Variants in CADPS2 observed in about 807,000 individuals in gnomAD.
CADPS2 encodes calcium-dependent secretion activator 2.
CADPS2 carries 93 observed loss-of-function variants against 172.5 expected under a neutral mutation model. The observed-to-expected ratio is 0.54, with a 90% CI of 0.46 to 0.64. The LOEUF (loss-of-function observed/expected upper bound fraction) is 0.64, where lower values mean the gene tolerates loss of function less well. CADPS2 is among the 30% of genes least tolerant of loss of function. The probability of loss-of-function intolerance (pLI) is 0.00; values close to 1 mark genes in which losing one functional copy is unlikely to be tolerated. For missense variants in CADPS2, 1,420 were observed against 1,565.9 expected (o/e 0.91, Z 1.57); for synonymous variants, 546 against 555.2 (o/e 0.98, Z 0.23).
Position 122,704,719 on chromosome 7 carries a change from G to A in CADPS2, c.453+32236C>T, listed in dbSNP as rs1043199090. Reference sequence around the variant, plus strand: ...TAGAACTGCCCTCTCTTCTGCCCTCGTCTTACAACAAAATAGACCTATAAG... The same window carrying A: ...TAGAACTGCCCTCTCTTCTGCCCTCATCTTACAACAAAATAGACCTATAAG... On this transcript the variant is annotated intron_variant, in intron 2 of 29. Coordinates refer to ENST00000449022, the MANE Select transcript of CADPS2 (RefSeq NM_017954.11). 3.3e-5 allele frequency among the ~76,000 whole-genome samples: 5 copies of A among 151,810 alleles called. No individual in the cohort carries two copies. In the South Asian group the frequency reaches 8.3e-4, roughly 25 times the overall value.
At chr7:122,734,466 CTA>C (rs1035453665) in intron 2 of CADPS2, among the ~76,000 whole-genome samples, 3 of 143,972 alleles carry the variant, frequency 2.1e-5, no homozygotes, top group East Asian at 4.4e-4. Context: ...CATTTAACCT[CTA>C]TGAGCTTCAA....
In CADPS2 at chr7:122,812,110, G is replaced by A. The variant is rs545071479; in HGVS notation, c.339+73889C>T. ...GACTAAAGATTCTACTTGTCCTAAT[G>A]TCTTCCCCAGGGATTCCTGAAGCAA... On this transcript the variant is annotated intron_variant, in intron 1 of 29. Coordinates refer to ENST00000449022, the MANE Select transcript of CADPS2 (RefSeq NM_017954.11). Among the ~76,000 whole-genome samples the A allele has an allele frequency of 4.0e-5, 6 of 151,306 alleles. No individual in the cohort carries two copies. In the South Asian group the frequency reaches 1.3e-3, roughly 32 times the overall value.
At chr7:122,580,599 C>T (rs921509988) in intron 7 of CADPS2, among the ~76,000 whole-genome samples, 2 of 152,038 alleles carry the variant, frequency 1.3e-5, no homozygotes, top group Non-Finnish European at 2.9e-5. Flanking sequence ...ACTGACAGCA[C>T]AAGCTGAGTA....
chr7:122,443,999 C>T (rs897972758), intron 15 of CADPS2, among the ~76,000 whole-genome samples: 6 of 152,046 alleles, frequency 3.9e-5, no homozygotes, highest in Admixed American at 1.3e-4. Context: ...AGATCACAGG[C>T]AACTACTCAT....
rs184503716 is a variant in CADPS2 at position 122,449,261 on chromosome 7, A to G, written c.2288+2113T>C. ...AGGGAAATTACACTGATTTTCATTG[A>G]AAGATACATAAAATACATTTAAAGG... On this transcript the variant is annotated intron_variant, in intron 15 of 29. Coordinates refer to ENST00000449022, the MANE Select transcript of CADPS2 (RefSeq NM_017954.11). 2.7e-3 allele frequency among the ~76,000 whole-genome samples: 410 copies of G among 152,334 alleles called. 8 individuals are homozygous for G. The Middle Eastern group carries it at 0.068, about 25-fold the overall frequency.
intron 8 of CADPS2, among the ~76,000 whole-genome samples, chr7:122,524,544 A>C (rs140129163): frequency 1.4e-4 from 22 of 152,328 alleles, no homozygotes; most frequent in African/African-American, 4.1e-4. Context: ...ATACTCAGTT[A>C]AACAAAACTA....
At chr7:122,707,968 T>C (rs188464601) in intron 2 of CADPS2, among the ~76,000 whole-genome samples, 1 of 151,844 alleles carries the variant, frequency 6.6e-6, no homozygotes, top group Admixed American at 6.6e-5. Flanking sequence ...TAAGTAAATT[T>C]TGTTGTGTAT....
intron 2 of CADPS2, among the ~76,000 whole-genome samples, chr7:122,733,266 T>C (rs962156937): frequency 6.6e-6 from 1 of 151,726 alleles, no homozygotes; most frequent in Non-Finnish European, 1.5e-5. Context: ...AAAAAGAGAA[T>C]TGTGGAGAAA....
At chr7:122,496,176 T>G (rs1235350087) in intron 9 of CADPS2, among the ~76,000 whole-genome samples, 1 of 152,076 alleles carries the variant, frequency 6.6e-6, no homozygotes, top group African/African-American at 2.4e-5. Flanking sequence ...TTTATTTATT[T>G]ATTGAGACAG....
intron 8 of CADPS2, among the ~76,000 whole-genome samples, chr7:122,526,515 T>G (rs1374212475): frequency 5.3e-5 from 8 of 152,084 alleles, no homozygotes; most frequent in Non-Finnish European, 1.0e-4. Context: ...TTTATTGTCT[T>G]CCTTTGACAC....
At chr7:122,343,187 A>C (rs1490790464) in intron 28 of CADPS2, among the ~76,000 whole-genome samples, 3 of 152,196 alleles carry the variant, frequency 2.0e-5, no homozygotes, top group Non-Finnish European at 4.4e-5. Context: ...TTTTAAATAA[A>C]GTAATAAAAA....
At chr7:122,534,944 A>T (rs972948729) in intron 8 of CADPS2, among the ~76,000 whole-genome samples, 1 of 152,092 alleles carries the variant, frequency 6.6e-6, no homozygotes, top group Non-Finnish European at 1.5e-5. Context: ...ACCAAAAAAT[A>T]AAAAATGGTG....
intron 4 of CADPS2, among the ~76,000 whole-genome samples, chr7:122,625,108 T>C (rs1004834255): frequency 1.3e-5 from 2 of 151,912 alleles, no homozygotes; most frequent in Admixed American, 6.6e-5. Flanking sequence ...TGGAGTGCAA[T>C]GGCACAATCT....
At chr7:122,662,028 G>A (rs2080606079) in intron 3 of CADPS2, among the ~76,000 whole-genome samples, 1 of 152,284 alleles carries the variant, frequency 6.6e-6, no homozygotes, top group Middle Eastern at 3.4e-3. Flanking sequence ...CAGGGTTAAA[G>A]TGCCTCAGTG....
At chr7:122,826,167 T>C (rs1363918421) in intron 1 of CADPS2, among the ~76,000 whole-genome samples, 2 of 152,116 alleles carry the variant, frequency 1.3e-5, no homozygotes, top group African/African-American at 4.8e-5. Flanking sequence ...ATGGCATCTG[T>C]AGATAGGAGA....
intron 1 of CADPS2, among the ~76,000 whole-genome samples, chr7:122,844,374 G>A (rs570527507): frequency 6.6e-6 from 1 of 152,274 alleles, no homozygotes; most frequent in African/African-American, 2.4e-5. Flanking sequence ...TCAATGTTAT[G>A]TTAAAAATCA....
intron 2 of CADPS2, chr7:122,698,369 T>C (rs2085469153): frequency 6.2e-7 from 1 of 1,613,792 alleles, no homozygotes; most frequent in Non-Finnish European, 8.5e-7. Flanking sequence ...ATCCAGATGA[T>C]GTGCTTTCTC....
chr7:122,541,808 T>C (rs1417948538), intron 8 of CADPS2, among the ~76,000 whole-genome samples: 8 of 73,002 alleles, frequency 1.1e-4, no homozygotes, highest in African/African-American at 3.5e-4. Flanking sequence ...CATATATATT[T>C]ATATATTCAT....
intron 2 of CADPS2, among the ~76,000 whole-genome samples, chr7:122,733,100 G>T (rs910293451): frequency 1.3e-5 from 2 of 151,292 alleles, no homozygotes; most frequent in African/African-American, 4.9e-5. Context: ...AGCCACAAAA[G>T]ATCATAGAAT....
Sources: allele counts gnomAD v4.1 joint callset (sites outside exome capture counted in the v4.1 genomes callset), GRCh38; gene constraint gnomAD v4.1.1; transcripts MANE v1.5; gene names NCBI Gene and HGNC (gene_info 2026-07-23, HGNC 2026-07-21).